Variants in KCNT1 observed in about 807,000 individuals in gnomAD.
The protein encoded by KCNT1 is potassium sodium-activated channel subfamily T member 1, also known as potassium channel subfamily T member 1.
In KCNT1, 78 loss-of-function variants were observed where a neutral mutation model predicts 147.8. The observed-to-expected ratio is 0.53, with a 90% CI of 0.44 to 0.64. The LOEUF (loss-of-function observed/expected upper bound fraction) is 0.64. KCNT1 is among the 30% of genes least tolerant of loss of function. KCNT1 has a pLI of 0.00. For missense variants in KCNT1, 1,419 were observed against 1,750.3 expected, an observed-to-expected ratio of 0.81 and a Z score of 3.38; for synonymous variants, 867 against 748.8, an observed-to-expected ratio of 1.16 and a Z score of -2.58.
At position 135,779,352 on chromosome 9, in the gene KCNT1, C is replaced by T. The variant is rs756827942; in HGVS notation, c.2730-7C>T. On this transcript the variant is annotated splice_polypyrimidine_tract_variant and splice_region_variant and intron_variant, in intron 23 of 30. Transcript: ENST00000371757. ...GGGCCCCGCCCTGAGCCGCCTGCCT[C>T]CCCCAGGCTCTTCCCCAGCCTCAGC... is the stretch of plus-strand genomic sequence containing the variant. 7.5e-6 allele frequency: 12 copies of T among 1,598,526 alleles called. No individual in the cohort carries two copies. The highest frequency in any genetic ancestry group is 1.3e-5 in the African/African-American group (1 of 74,580).
chr9:135,727,243 CCCT>C (rs1836241587), intron 2 of KCNT1, among the ~76,000 whole-genome samples: 4 of 115,146 alleles, frequency 3.5e-5, no homozygotes, highest in Admixed American at 8.6e-5. Context: ...TTCTCTCTCC[CCCT>C]CTCTCTCTCC....
At chr9:135,712,489 A>G (rs567483969) in intron 1 of KCNT1, among the ~76,000 whole-genome samples, 4 of 152,114 alleles carry the variant, frequency 2.6e-5, no homozygotes, top group Non-Finnish European at 5.9e-5. Context: ...TGGCTATGCC[A>G]GGGTTATGTT....
intron 11 of KCNT1, 96 bp from the exon 12 acceptor site, chr9:135,764,935 C>T: frequency 7.1e-7 from 1 of 1,402,302 alleles, no homozygotes; most frequent in Non-Finnish European, 9.6e-7. Context: ...GCCCCAGGCC[C>T]CTAACAGACA....
At chr9:135,731,992 A>ATAGAGAGAGAGAGG (rs60849506) in intron 2 of KCNT1, among the ~76,000 whole-genome samples, 1 of 22,574 alleles carries the variant, frequency 4.4e-5, no homozygotes, top group African/African-American at 1.9e-4. Flanking sequence ...ATATATATAT[A>ATAGAGAGAGAGAGG]GAGAGAGAGA....
intron 2 of KCNT1, among the ~76,000 whole-genome samples, chr9:135,745,317 C>T (rs376136605): frequency 1.3e-5 from 2 of 152,210 alleles, no homozygotes; most frequent in Admixed American, 6.5e-5. Context: ...GGGCGTTCCA[C>T]CGAGCCCACG....
intron 11 of KCNT1, among the ~76,000 whole-genome samples, chr9:135,760,882 C>T (rs10858166): frequency 0.12 from 19,031 of 152,318 alleles, 1,454 homozygotes; most frequent in South Asian, 0.16. Context: ...GCCCGCTCCT[C>T]TTTGGTCTTC....
rs537379253 is a variant in KCNT1, at chr9:135,785,316, G to A, written c.3163G>A (p.Asp1055Asn). 101 of 1,612,976 alleles carry A rather than the reference G, an allele frequency of 6.3e-5. No individual in the cohort carries two copies. Among genetic ancestry groups the A allele is most frequent in the African/African-American group, 2.0e-4 (15 of 75,056 alleles). The change falls in exon 28 of 31, where the codon GAC (aspartate) becomes AAC (asparagine). Residue 1055 changes from aspartate to asparagine, a missense_variant. Transcript: ENST00000371757. ...SHVFSTSEPH[D>N]LRAQSQISVN... ...GCGCCTGTTTCCTTTGCAGCCCCAC[G>A]ACCTCAGAGCCCAGGTAAGCAACCC...
rs138182010 is a variant in KCNT1, at chr9:135,736,126, C to G, written c.255-13972C>G. Among the ~76,000 whole-genome samples the G allele has an allele frequency of 5.5e-3, 837 of 152,294 alleles. 6 individuals are homozygous for G. The highest frequency in any genetic ancestry group is 0.019 in the African/African-American group (796 of 41,564). On this transcript the variant is annotated intron_variant, in intron 2 of 30. Coordinates refer to ENST00000371757, the MANE Select transcript of KCNT1 (RefSeq NM_020822.3). The stretch of plus-strand genomic sequence containing the variant: ...AGGTAGGAATTGGGGGGTGAGGACC[C>G]TGGTGAGGACAGGCAAACTCAGCCA...
chr9:135,774,316 G>A (rs1384531396), intron 19 of KCNT1, among the ~76,000 whole-genome samples: 1 of 149,124 alleles, frequency 6.7e-6, no homozygotes, highest in Non-Finnish European at 1.5e-5. Context: ...TGTGTGCTGT[G>A]TGTTGTGTGT....
chr9:135,791,996 T>C (rs776236128), intron 30 of KCNT1, 45 bp from the exon 31 acceptor site: 2 of 1,603,090 alleles, frequency 1.2e-6, no homozygotes, highest in Admixed American at 3.3e-5. Flanking sequence ...GAGCAGGGGC[T>C]GCCCGGCCCA....
chr9:135,711,039 G>A (rs369175936), intron 1 of KCNT1, among the ~76,000 whole-genome samples: 40 of 152,286 alleles, frequency 2.6e-4, no homozygotes, highest in African/African-American at 7.7e-4. Flanking sequence ...ACTAGGTTCC[G>A]TATTTGCTCT....
intron 1 of KCNT1, among the ~76,000 whole-genome samples, chr9:135,711,696 T>C (rs2131323296): frequency 6.6e-6 from 1 of 152,320 alleles, no homozygotes; most frequent in South Asian, 2.1e-4. Context: ...ACTGCCTCGC[T>C]CATTCTTGGC....
intron 18 of KCNT1, 194 bp downstream of exon 18, chr9:135,771,289 G>A (rs2131513452): frequency 3.2e-6 from 2 of 617,186 alleles, no homozygotes; most frequent in Non-Finnish European, 2.9e-6. Flanking sequence ...CGGGAGACCA[G>A]GTGGGACAGG....
chr9:135,773,195 C>A (rs764702771), intron 19 of KCNT1, among the ~76,000 whole-genome samples: 14 of 152,162 alleles, frequency 9.2e-5, no homozygotes, highest in Non-Finnish European at 1.6e-4. Context: ...TGGGCTACAC[C>A]CTTTCCAGTT....
At chr9:135,774,614 ATGT>A (rs1207603873) in intron 19 of KCNT1, among the ~76,000 whole-genome samples, 1 of 136,124 alleles carries the variant, frequency 7.3e-6, no homozygotes, top group African/African-American at 2.8e-5. Flanking sequence ...TGTGTTGTGT[ATGT>A]TGTGTGTCGA....
At chr9:135,746,280 G>A (rs766300581) in intron 2 of KCNT1, among the ~76,000 whole-genome samples, 24 of 152,288 alleles carry the variant, frequency 1.6e-4, no homozygotes, top group Non-Finnish European at 2.5e-4. Flanking sequence ...GGCACTCCCC[G>A]CTGAGCTCCG....
At chr9:135,777,263 G>C in intron 20 of KCNT1, 75 bp from the exon 21 acceptor site, 1 of 1,472,992 alleles carries the variant, frequency 6.8e-7, no homozygotes, top group African/African-American at 1.4e-5. Flanking sequence ...GTTTGGTGAG[G>C]GGTCTGGGAG....
At chr9:135,749,682 G>A (rs918453371) in intron 2 of KCNT1, among the ~76,000 whole-genome samples, 2 of 152,222 alleles carry the variant, frequency 1.3e-5, no homozygotes, top group Non-Finnish European at 2.9e-5. Context: ...CAGGTCCTAC[G>A]GCATGTTCTG....
intron 2 of KCNT1, among the ~76,000 whole-genome samples, chr9:135,731,038 G>C (rs1040831060): frequency 4.0e-5 from 6 of 148,292 alleles, no homozygotes; most frequent in Non-Finnish European, 8.9e-5. Context: ...TTGAATTTGT[G>C]GTCATTTGTA....
Sources: allele counts gnomAD v4.1 joint callset (sites outside exome capture counted in the v4.1 genomes callset), GRCh38; gene constraint gnomAD v4.1.1; transcripts MANE v1.5; gene names NCBI Gene and HGNC (gene_info 2026-07-23, HGNC 2026-07-21).